Variants in ZNF415 observed in about 807,000 individuals in gnomAD.
ZNF415 encodes zinc finger protein 415.
A neutral mutation model predicts 7.3 loss-of-function variants in ZNF415; 5 were observed. That is an observed-to-expected ratio of 0.69 (90% CI 0.36 to 1.44). The LOEUF is 1.44. Among genes scored for constraint, ZNF415 ranks in the 40% most tolerant of loss-of-function variants. The pLI is 0.04. For missense variants in ZNF415, 628 were observed against 664.8 expected (o/e 0.94, Z 0.61); for synonymous variants, 207 against 226.3 (o/e 0.91, Z 0.77).
intron 1 of ZNF415, chr19:53,123,618 CGAG>C (rs2088523640): frequency 2.5e-6 from 1 of 398,706 alleles, no homozygotes; most frequent in Non-Finnish European, 4.4e-6. Context: ...GCAGAGGGAG[CGAG>C]GAGGACACAG....
At chr19:53,131,053 T>C (rs2090005421) in intron 1 of ZNF415, among the ~76,000 whole-genome samples, 1 of 148,272 alleles carries the variant, frequency 6.7e-6, no homozygotes, top group Non-Finnish European at 1.5e-5. Flanking sequence ...ATTTTGAGAT[T>C]TTCTTGCAAC....
At chr19:53,120,738 T>C (rs1222563109) in intron 2 of ZNF415, among the ~76,000 whole-genome samples, 1 of 152,100 alleles carries the variant, frequency 6.6e-6, no homozygotes. Context: ...ATCTGATGCC[T>C]AAGAGACCCT....
At position 53,112,213 on chromosome 19, in the gene ZNF415, G is replaced by A. The variant is rs553704658; in HGVS notation, c.137-2305C>T. On this transcript the variant is annotated intron_variant, in intron 3 of 3. Coordinates refer to ENST00000243643, the MANE Select transcript of ZNF415 (RefSeq NM_018355.4). ...CCCACCTCAGCCTCCAAAAGTACTC[G>A]GATTACAGGCGTGAGCAACCACGCC... Among the ~76,000 whole-genome samples, 102 of 152,262 alleles carry A rather than the reference G, an allele frequency of 6.7e-4. 3 individuals carry two copies. Among genetic ancestry groups the A allele is most frequent in the South Asian group, 1.2e-3 (6 of 4,834 alleles).
At chr19:53,111,066 G>A (rs767739847) in intron 3 of ZNF415, among the ~76,000 whole-genome samples, 3 of 152,254 alleles carry the variant, frequency 2.0e-5, no homozygotes, top group Middle Eastern at 3.4e-3. Flanking sequence ...GCCAAAATTC[G>A]TATGCTAAGG....
chr19:53,128,404 C>T (rs2089557155), intron 1 of ZNF415, among the ~76,000 whole-genome samples: 1 of 145,592 alleles, frequency 6.9e-6, no homozygotes, highest in East Asian at 2.0e-4. Context: ...AGGGAGGCTG[C>T]CATTGTCCCC....
intron 3 of ZNF415, among the ~76,000 whole-genome samples, chr19:53,114,910 T>G (rs2086770470): frequency 6.6e-6 from 1 of 152,082 alleles, no homozygotes; most frequent in Non-Finnish European, 1.5e-5. Context: ...CAGCCAGTGT[T>G]TCCCATCTTG....
At chr19:53,115,811 T>C (rs1363716940) in intron 3 of ZNF415, 2 of 1,548,914 alleles carry the variant, frequency 1.3e-6, no homozygotes, top group Admixed American at 2.0e-5. Flanking sequence ...AGGATAATAC[T>C]CTGGTCAGGA....
chr19:53,116,271 A>T (rs1216185760), intron 3 of ZNF415, 42 bp downstream of exon 3: 1 of 1,579,422 alleles, frequency 6.3e-7, no homozygotes, highest in Admixed American at 1.9e-5. Flanking sequence ...ATGGAAAGAT[A>T]CCAAGGGCAG....
In ZNF415 at chr19:53,109,505, T is replaced by C. The variant is rs1469601040; in HGVS notation, c.540A>G (p.Ile180Met). 1.9e-6 allele frequency: 3 copies of C among 1,613,934 alleles called. No individual in the cohort carries two copies. The South Asian group carries it at 3.3e-5, about 18-fold the overall frequency. Residue 180 changes from isoleucine (I) to methionine (M), a missense_variant, in exon 4 of 4, where the codon ATA becomes ATG. Ile to Met is a conservative substitution (Grantham distance 10). Coordinates refer to ENST00000243643, the MANE Select transcript of ZNF415 (RefSeq NM_018355.4). Reference protein sequence around the residue: ...NHGSSVSPPQIISSTIKTHVS... With the variant: ...NHGSSVSPPQMISSTIKTHVS... ...CATGGGTTTTGATGGTAGAAGAAAT[T>C]ATTTGGGGTGGTGAAACTGAGGAAC...
rs772417974 is a variant in ZNF415, at chr19:53,109,092, T to G, written c.953A>C (p.His318Pro). 5 of 1,612,524 alleles carry G rather than the reference T, an allele frequency of 3.1e-6. No homozygotes were observed. In the East Asian group the frequency reaches 6.7e-5, roughly 22 times the overall value. Reference sequence around the variant, plus strand: ...TTTCTCTCCAATATGAGTTTTCTGATGTAGTGCAAGGCATGAATTTCGACT... The same window carrying G: ...TTTCTCTCCAATATGAGTTTTCTGAGGTAGTGCAAGGCATGAATTTCGACT... ...VFSRNSCLAL[H>P]QKTHIGEKPY... The change falls in exon 4 of 4, where the codon CAT becomes CCT. Residue 318 changes from histidine to proline, a missense_variant. Physicochemically the swap from His to Pro is moderately conservative, Grantham distance 77. Transcript: ENST00000243643.
Position 53,109,549 on chromosome 19 carries a change from C to T in ZNF415, c.496G>A (p.Glu166Lys). ...EGKIYECNHVEKSVNHGSSVS... is the reference protein window; with the variant it reads ...EGKIYECNHVKKSVNHGSSVS... ...GAGGAACCATGGTTGACAGACTTCT[C>T]AACATGGTTACATTCATAAATTTTC... Residue 166 changes from glutamate to lysine, a missense_variant, in exon 4 of 4, where the codon GAG (glutamate) becomes AAG (lysine). Coordinates refer to ENST00000243643, the MANE Select transcript of ZNF415 (RefSeq NM_018355.4). 2.5e-6 allele frequency: 4 copies of T among 1,614,054 alleles called. No homozygotes were observed. Among genetic ancestry groups the T allele is most frequent in the Non-Finnish European group, 3.4e-6 (4 of 1,179,990 alleles).
intron 1 of ZNF415, among the ~76,000 whole-genome samples, chr19:53,127,444 C>A (rs987616265): frequency 6.6e-6 from 1 of 152,212 alleles, no homozygotes; most frequent in Non-Finnish European, 1.5e-5. Flanking sequence ...CTCATAGTGA[C>A]TCCACCCCAC....
chr19:53,112,339 T>C (rs753861487), intron 3 of ZNF415, among the ~76,000 whole-genome samples: 6 of 152,112 alleles, frequency 3.9e-5, no homozygotes, highest in Non-Finnish European at 8.8e-5. Context: ...ACAGCAAGAA[T>C]GCACCCAGGC....
At position 53,116,381 on chromosome 19, in the gene ZNF415, A is replaced by G. The variant is rs759307372; in HGVS notation, c.68T>C (p.Leu23Pro). ...IEFSQDEWKC[L>P]NSTQRTLYRD... is the part of the protein sequence containing the mutation. ...GTATAAAGTCCTCTGTGTAGAGTTC[A>G]GGCATTTCCACTCATCTTGAGAGAA... Residue 23 changes from leucine (L) to proline (P), a missense_variant, in exon 3 of 4, where the codon CTG becomes CCG. Physicochemically the swap from Leu to Pro is moderately conservative, Grantham distance 98. Coordinates refer to ENST00000243643, the MANE Select transcript of ZNF415 (RefSeq NM_018355.4). 1.2e-6 allele frequency: 2 copies of G among 1,614,036 alleles called. No homozygotes were observed. Among genetic ancestry groups the G allele is most frequent in the East Asian group, 4.5e-5 (2 of 44,862 alleles).
rs559737259 is a variant in ZNF415 at position 53,126,504 on chromosome 19, C to T, written c.-67-3761G>A. Among the ~76,000 whole-genome samples, 8 of 140,034 alleles carry T rather than the reference C, an allele frequency of 5.7e-5. No individual in the cohort carries two copies. The East Asian group carries it at 1.6e-3, about 28-fold the overall frequency. 91.9% of individuals were successfully genotyped at this position (140,034 alleles called of 152,430 possible). On this transcript the variant is annotated intron_variant, in intron 1 of 3. Coordinates refer to ENST00000243643, the MANE Select transcript of ZNF415 (RefSeq NM_018355.4). ...TTGGGTCTTGCGTGGGGCAAACTGA[C>T]TGCAGAACTGCAGGAAGTGAGAGTC... is the stretch of plus-strand genomic sequence containing the variant.
At position 53,109,032 on chromosome 19, in the gene ZNF415, C is replaced by T. The variant is rs1312407906; in HGVS notation, c.1013G>A (p.Ser338Asn). Residue 338 changes from serine to asparagine, a missense_variant, in exon 4 of 4, where the codon AGT becomes AAT. By Grantham distance (46) the Ser-to-Asn change is conservative. Transcript: ENST00000243643. Reference sequence around the variant, plus strand: ...ATGGTTGGTAAGTGTTGACCTCACACTAAAGGCTTTGCCACACTCTTTACA... The same window carrying T: ...ATGGTTGGTAAGTGTTGACCTCACATTAAAGGCTTTGCCACACTCTTTACA... Reference protein sequence around the residue: ...YTCKECGKAFSVRSTLTNHQV... With the variant: ...YTCKECGKAFNVRSTLTNHQV... 1 of 1,613,802 alleles carries T rather than the reference C, an allele frequency of 6.2e-7. No individual in the cohort carries two copies. Among genetic ancestry groups the T allele is most frequent in the Admixed American group, 1.7e-5 (1 of 60,010 alleles).
At chr19:53,123,718 AT>A in intron 1 of ZNF415, 1 of 398,238 alleles carries the variant, frequency 2.5e-6, no homozygotes, top group Non-Finnish European at 4.4e-6. Flanking sequence ...CCTCAAAAGA[AT>A]TTTGGAAATG....
chr19:53,132,505 G>C (rs2090218529), intron 1 of ZNF415, among the ~76,000 whole-genome samples: 1 of 152,304 alleles, frequency 6.6e-6, no homozygotes, highest in South Asian at 2.1e-4. Context: ...AAGGCTCCCC[G>C]GGACTGCGGC....
intron 3 of ZNF415, chr19:53,115,728 C>T: frequency 6.4e-7 from 1 of 1,550,508 alleles, no homozygotes; most frequent in Non-Finnish European, 8.7e-7. Context: ...TTGATCCATT[C>T]CCACCCTTTT....
Sources: allele counts gnomAD v4.1 joint callset (sites outside exome capture counted in the v4.1 genomes callset), GRCh38; gene constraint gnomAD v4.1.1; transcripts MANE v1.5; gene names NCBI Gene and HGNC (gene_info 2026-07-23, HGNC 2026-07-21).